Variants in AP3D1 observed in about 807,000 individuals in gnomAD.
The protein encoded by AP3D1 is AP-3 complex subunit delta-1.
In AP3D1, 51 loss-of-function variants were observed where a neutral mutation model predicts 147.6. The ratio of observed to expected loss-of-function variants is 0.35; its 90% confidence interval spans 0.28 to 0.44. The LOEUF is 0.44. Ranked by LOEUF, AP3D1 falls within the 20% of genes least tolerant of loss-of-function variation. AP3D1 has a pLI of 1.00. For synonymous variants in AP3D1, 760 were observed against 663.0 expected, an observed-to-expected ratio of 1.15 and a Z score of -2.25; for missense variants, 1,421 against 1,624.2, an observed-to-expected ratio of 0.87 and a Z score of 2.15.
intron 1 of AP3D1, among the ~76,000 whole-genome samples, chr19:2,145,586 C>T (rs1035475450): frequency 2.0e-5 from 3 of 152,198 alleles, no homozygotes; most frequent in Non-Finnish European, 4.4e-5. Context: ...CACAGTGCCA[C>T]GGCTGGGCCA....
chr19:2,164,163 T>G (rs2144619753), intron 1 of AP3D1: 1 of 1,118,992 alleles, frequency 8.9e-7, no homozygotes, highest in Non-Finnish European at 1.1e-6. Flanking sequence ...CCTAGCATGG[T>G]GCGGCGGCCG....
chr19:2,105,156 A>G (rs1450219815), intron 31 of AP3D1, among the ~76,000 whole-genome samples: 1 of 152,166 alleles, frequency 6.6e-6, no homozygotes, highest in Non-Finnish European at 1.5e-5. Flanking sequence ...TTGGCAAGAG[A>G]GCAACAGCCA....
intron 1 of AP3D1, among the ~76,000 whole-genome samples, chr19:2,142,889 C>T (rs2019258948): frequency 6.6e-6 from 1 of 152,090 alleles, no homozygotes; most frequent in African/African-American, 2.4e-5. Context: ...CTCAGCCTCC[C>T]AAGTAGCTGG....
Position 2,115,267 on chromosome 19 carries a change from G to A in AP3D1, c.2301C>T (p.Asp767=), listed in dbSNP as rs1208532554. ...TGTCCACCTGCTGGGCAGGGGCGAT[G>A]TCCTCGTCGCTCTCCGTGGGCAGCG... ...HSSLPTESDE[D]IAPAQQVDIV... Residue 767 remains aspartate (D), a synonymous_variant, in exon 20 of 32, where the codon GAC becomes GAT. Coordinates refer to ENST00000643116, the MANE Select transcript of AP3D1 (RefSeq NM_001261826.3). 8 of 1,613,374 alleles carry A rather than the reference G, an allele frequency of 5.0e-6. No homozygotes were observed. In the East Asian group the frequency reaches 1.1e-4, roughly 22 times the overall value.
At chr19:2,143,848 G>A (rs2019287700) in intron 1 of AP3D1, among the ~76,000 whole-genome samples, 1 of 152,128 alleles carries the variant, frequency 6.6e-6, no homozygotes, top group African/African-American at 2.4e-5. Flanking sequence ...AGCACTTTGG[G>A]AGGCCGAGGC....
chr19:2,127,046 C>G, intron 9 of AP3D1, 106 bp downstream of exon 9: 1 of 1,234,858 alleles, frequency 8.1e-7, no homozygotes, highest in Non-Finnish European at 1.2e-6. Flanking sequence ...TCAGTTCCAG[C>G]AGGGGTGGCG....
intron 6 of AP3D1, 79 bp downstream of exon 6, chr19:2,130,329 A>C (rs2018902663): frequency 6.3e-7 from 1 of 1,591,592 alleles, no homozygotes; most frequent in African/African-American, 1.3e-5. Flanking sequence ...AGCACCCCCC[A>C]AAACACGCCA....
intron 1 of AP3D1, among the ~76,000 whole-genome samples, chr19:2,144,955 C>A (rs945734620): frequency 3.9e-5 from 6 of 152,182 alleles, no homozygotes; most frequent in African/African-American, 1.4e-4. Context: ...CTCAAATCCA[C>A]AGAGACAGCA....
At chr19:2,147,203 G>T (rs192112987) in intron 1 of AP3D1, among the ~76,000 whole-genome samples, 1 of 151,998 alleles carries the variant, frequency 6.6e-6, no homozygotes, top group Non-Finnish European at 1.5e-5. Context: ...AAAATTAGCC[G>T]GGGTGGTGGC....
At chr19:2,114,525 G>A (rs2018384454) in intron 21 of AP3D1, among the ~76,000 whole-genome samples, 1 of 152,152 alleles carries the variant, frequency 6.6e-6, no homozygotes, top group African/African-American at 2.4e-5. Context: ...GAGACCTCCC[G>A]AGCACCCCAG....
upstream of AP3D1, among the ~76,000 whole-genome samples, chr19:2,155,305 G>T (rs1011604000): frequency 6.6e-6 from 1 of 152,050 alleles, no homozygotes; most frequent in African/African-American, 2.4e-5. Flanking sequence ...AGGTTGCAGT[G>T]AGTGGAGATT....
chr19:2,157,874 C>G (rs2019661189), intron 1 of AP3D1, among the ~76,000 whole-genome samples: 1 of 152,210 alleles, frequency 6.6e-6, no homozygotes, highest in Non-Finnish European at 1.5e-5. Context: ...GAAGAGCTTG[C>G]TCAAGTTTGT....
At position 2,129,422 on chromosome 19, in the gene AP3D1, G is replaced by T. The variant is rs1214149230; in HGVS notation, c.628C>A (p.Leu210Met). ...TAGTTCTTAGGGTTGCGTCTGGCCA[G>T]CTCGCAGATGACATTGACGGCAGCC... ...QSAAVNVICE[L>M]ARRNPKNYLS... The change falls in exon 7 of 32, where the codon CTG becomes ATG. Residue 210 changes from leucine (L) to methionine (M), a missense_variant. Around this residue, in one of 6 missense-constraint regions of AP3D1, gnomAD observed 292 missense variants for 412.0 expected, o/e 0.71. Coordinates refer to ENST00000643116, the MANE Select transcript of AP3D1 (RefSeq NM_001261826.3). The T allele has an allele frequency of 6.2e-7, 1 of 1,613,966 alleles. No homozygotes were observed. The highest frequency in any genetic ancestry group is 8.5e-7 in the Non-Finnish European group (1 of 1,179,974).
chr19:2,137,002 A>AAC lies in AP3D1; in HGVS notation c.354+7_354+8dup. On this transcript the variant is annotated intron_variant, in intron 4 of 31. Transcript: ENST00000643116. ...CAGCACAGAGCGGCCCCGGCCCGGGAACACCCACCTTACGGATCTGATTGG... is the reference window on the plus strand; with the variant it reads ...CAGCACAGAGCGGCCCCGGCCCGGGAACACACCCACCTTACGGATCTGATTGG... 6.3e-7 allele frequency: 1 copy of AAC among 1,581,348 alleles called. No individual in the cohort carries two copies. Among genetic ancestry groups the AAC allele is most frequent in the Non-Finnish European group, 8.6e-7 (1 of 1,163,984 alleles).
At chr19:2,117,811 C>T (rs1162758130) in intron 15 of AP3D1, among the ~76,000 whole-genome samples, 2 of 152,276 alleles carry the variant, frequency 1.3e-5, no homozygotes, top group African/African-American at 4.8e-5. Context: ...ACGCCCCATG[C>T]AGCCTTGAAG....
At chr19:2,110,270 C>T in intron 27 of AP3D1, 46 bp from the exon 28 acceptor site, 2 of 1,543,774 alleles carry the variant, frequency 1.3e-6, no homozygotes, top group South Asian at 2.2e-5. Flanking sequence ...TGCGGGGGCT[C>T]AGCATGGGTG....
intron 11 of AP3D1, 101 bp downstream of exon 11, chr19:2,123,249 CAGCTGGGG>C: frequency 8.8e-7 from 1 of 1,135,682 alleles, no homozygotes; most frequent in South Asian, 1.4e-5. Context: ...ATCAGGGAGA[CAGCTGGGG>C]TTGCAGATGC....
At chr19:2,111,958 C>A in intron 24 of AP3D1, 130 bp from the exon 25 acceptor site, 1 of 1,427,120 alleles carries the variant, frequency 7.0e-7, no homozygotes, top group African/African-American at 1.4e-5. Flanking sequence ...ATGGCAGGAC[C>A]AGCCACGCCT....
At chr19:2,114,373 T>G in intron 21 of AP3D1, 71 bp from the exon 22 acceptor site, 1 of 1,299,562 alleles carries the variant, frequency 7.7e-7, no homozygotes, top group Non-Finnish European at 1.1e-6. Flanking sequence ...GTACATGCCG[T>G]GTCCAAGCAT....
Sources: gnomAD v4.1 joint callset for allele counts (sites outside exome capture counted in the v4.1 genomes callset) on GRCh38, gnomAD v4.1.1 for gene constraint, gnomAD v4.1.1 regional missense constraint, MANE v1.5 for transcripts, NCBI Gene and HGNC (gene_info 2026-07-23, HGNC 2026-07-21) for gene names.